GPHN: variants seen among roughly 807,000 people sequenced by gnomAD.
GPHN encodes the protein gephyrin.
A neutral mutation model predicts 95.5 loss-of-function variants in GPHN; 17 were observed. That is an observed-to-expected ratio of 0.18 (90% confidence interval 0.12 to 0.27). The LOEUF (loss-of-function observed/expected upper bound fraction) is 0.27, where lower values mean the gene tolerates loss of function less well. GPHN is among the 10% of genes least tolerant of loss of function. The pLI, the probability that GPHN is intolerant of heterozygous loss-of-function variation, is 1.00. For missense variants in GPHN, 660 were observed against 978.1 expected (o/e 0.67, Z 4.34); for synonymous variants, 320 against 322.5 (o/e 0.99, Z 0.08).
downstream of GPHN, among the ~76,000 whole-genome samples, chr14:67,183,081 CAG>C (rs1405215244): frequency 6.6e-6 from 1 of 152,014 alleles, no homozygotes; most frequent in Non-Finnish European, 1.5e-5. Flanking sequence ...ATTCCAAAAA[CAG>C]AGAATGACAG....
chr14:66,870,409 T>G (rs2063386375), intron 4 of GPHN, among the ~76,000 whole-genome samples: 1 of 152,172 alleles, frequency 6.6e-6, no homozygotes, highest in Admixed American at 6.5e-5. Context: ...CTGCCTGAAT[T>G]ATGTTTAGAG....
rs188310564 is a variant in GPHN, at chr14:66,730,182, A to T, written c.144-46282A>T. The stretch of plus-strand genomic sequence containing the variant: ...TATTTTGGTACAAGAAGTTACTAGG[A>T]ATTCATCATAGGATTCAGGGTTGTG... On this transcript the variant is annotated intron_variant, in intron 2 of 22. Coordinates refer to ENST00000478722, the MANE Select transcript of GPHN (RefSeq NM_020806.5). 3.3e-3 allele frequency among the ~76,000 whole-genome samples: 497 copies of T among 152,304 alleles called. 3 individuals are homozygous for T. Among genetic ancestry groups the T allele is most frequent in the Non-Finnish European group, 4.2e-3 (285 of 68,014 alleles).
chr14:66,845,292 G>A (rs1300168475), intron 4 of GPHN, among the ~76,000 whole-genome samples: 1 of 152,072 alleles, frequency 6.6e-6, no homozygotes, highest in Non-Finnish European at 1.5e-5. Context: ...AAAGAGATCA[G>A]GGAAACCACA....
chr14:67,446,389 T>C, the GPHN span, among the ~76,000 whole-genome samples: 2 of 152,142 alleles, frequency 1.3e-5, no homozygotes. Flanking sequence ...AATAAAGGAA[T>C]ATTTCAGGGA....
chr14:67,545,416 G>A, the GPHN span, among the ~76,000 whole-genome samples: 1 of 152,146 alleles, frequency 6.6e-6, no homozygotes, highest in African/African-American at 2.4e-5. Context: ...CAGTCTTTAA[G>A]TCTAGACTAA....
chr14:67,037,810 T>C (rs1178673134), intron 10 of GPHN, among the ~76,000 whole-genome samples: 1 of 151,640 alleles, frequency 6.6e-6, no homozygotes, highest in African/African-American at 2.4e-5. Flanking sequence ...TAACAAGTAT[T>C]GGTGATCATA....
At chr14:67,211,218 C>G in the GPHN span, among the ~76,000 whole-genome samples, 1 of 151,998 alleles carries the variant, frequency 6.6e-6, no homozygotes, top group Admixed American at 6.6e-5. Flanking sequence ...CTCATGGTAA[C>G]TGTTCAAAAT....
chr14:67,248,633 A>G, the GPHN span, among the ~76,000 whole-genome samples: 1 of 152,136 alleles, frequency 6.6e-6, no homozygotes, highest in African/African-American at 2.4e-5. Flanking sequence ...TCTTTAAGGC[A>G]GGGGTCAACA....
intron 3 of GPHN, among the ~76,000 whole-genome samples, chr14:66,811,546 C>CAA (rs778914403): frequency 2.3e-5 from 2 of 87,146 alleles, no homozygotes; most frequent in African/African-American, 5.9e-5. Flanking sequence ...TTACATTCAG[C>CAA]AAAAAAAAAA....
chr14:66,769,218 T>C (rs1034021706), intron 2 of GPHN, among the ~76,000 whole-genome samples: 1 of 152,124 alleles, frequency 6.6e-6, no homozygotes, highest in African/African-American at 2.4e-5. Flanking sequence ...AATTCTAATC[T>C]TTCACTTCTT....
chr14:67,660,054 G>C, the GPHN span: 2 of 919,254 alleles, frequency 2.2e-6, no homozygotes, highest in Non-Finnish European at 3.2e-6. Flanking sequence ...TGCTCCATGA[G>C]GCAGGGACCA....
chr14:67,092,428 TCTC>T (rs1472732806), intron 12 of GPHN, among the ~76,000 whole-genome samples: 2 of 152,058 alleles, frequency 1.3e-5, no homozygotes, highest in Admixed American at 1.3e-4. Context: ...CCTATTTTCT[TCTC>T]CTCTGCCTTT....
chr14:67,292,697 A>G, the GPHN span: 8 of 1,613,406 alleles, frequency 5.0e-6, no homozygotes, highest in Non-Finnish European at 6.8e-6. Flanking sequence ...CTTATCTCCA[A>G]CGCACAAGAT....
the GPHN span, among the ~76,000 whole-genome samples, chr14:67,581,394 A>G: frequency 1.3e-5 from 2 of 152,096 alleles, no homozygotes; most frequent in African/African-American, 2.4e-5. Context: ...GCATGGTGGC[A>G]TGTACCTGTA....
the GPHN span, among the ~76,000 whole-genome samples, chr14:67,281,572 G>A: frequency 6.6e-6 from 1 of 152,024 alleles, no homozygotes; most frequent in Non-Finnish European, 1.5e-5. Flanking sequence ...GTTATATCCA[G>A]TGCAAACCTG....
At chr14:67,194,022 A>G in the GPHN span, among the ~76,000 whole-genome samples, 4 of 152,004 alleles carry the variant, frequency 2.6e-5, no homozygotes, top group East Asian at 7.8e-4. Context: ...TATTTGTAAA[A>G]CTGGAAAGAC....
At chr14:67,061,952 C>T (rs1378603589) in intron 11 of GPHN, among the ~76,000 whole-genome samples, 1 of 152,188 alleles carries the variant, frequency 6.6e-6, no homozygotes, top group Non-Finnish European at 1.5e-5. Context: ...ATGTCTGCTT[C>T]CCCCTTTCCC....
At chr14:67,581,881 A>G in the GPHN span, 1 of 584,176 alleles carries the variant, frequency 1.7e-6, no homozygotes, top group Non-Finnish European at 3.0e-6. Context: ...GTATGAGATC[A>G]GCATGACCCT....
chr14:66,902,776 A>C (rs2065181698), intron 5 of GPHN, among the ~76,000 whole-genome samples: 1 of 151,984 alleles, frequency 6.6e-6, no homozygotes, highest in Admixed American at 6.6e-5. Flanking sequence ...TTTTCTTGAG[A>C]ATTTTTGCAT....
Sources: gnomAD v4.1 joint callset for allele counts (sites outside exome capture counted in the v4.1 genomes callset) on GRCh38, gnomAD v4.1.1 for gene constraint, MANE v1.5 for transcripts, NCBI Gene and HGNC (gene_info 2026-07-23, HGNC 2026-07-21) for gene names.